The following RBPJ variants were observed in gnomAD, a reference collection of about 807,000 sequenced individuals.
The protein encoded by RBPJ is recombining binding protein suppressor of hairless.
RBPJ carries 9 observed loss-of-function variants against 67.8 expected under a neutral mutation model. That is an observed-to-expected ratio of 0.13 (90% CI 0.08 to 0.23). RBPJ has a LOEUF of 0.23. RBPJ is among the 10% of genes least tolerant of loss of function. The pLI is 1.00. For missense variants in RBPJ, 305 were observed against 595.6 expected (o/e 0.51, Z 5.08); for synonymous variants, 198 against 203.3 (o/e 0.97, Z 0.22).
chr4:26,232,407 T>A (rs1251963741), intron 1 of RBPJ, among the ~76,000 whole-genome samples: 1 of 152,074 alleles, frequency 6.6e-6, no homozygotes, highest in Non-Finnish European at 1.5e-5. Context: ...CTCCCAGCCC[T>A]TAATTACTTT....
At chr4:26,275,866 T>C (rs1432191067) in intron 1 of RBPJ, among the ~76,000 whole-genome samples, 1 of 151,812 alleles carries the variant, frequency 6.6e-6, no homozygotes, top group Non-Finnish European at 1.5e-5. Context: ...TCTTGACCTC[T>C]CTGCCCACCT....
intron 1 of RBPJ, among the ~76,000 whole-genome samples, chr4:26,279,241 C>G (rs1046919332): frequency 4.1e-4 from 63 of 152,260 alleles, no homozygotes; most frequent in African/African-American, 1.3e-3. Flanking sequence ...AGCCTAGCCA[C>G]TTATAGAAAA....
At chr4:26,172,928 C>A (rs554428107) in intron 1 of RBPJ, among the ~76,000 whole-genome samples, 1 of 152,262 alleles carries the variant, frequency 6.6e-6, no homozygotes, top group South Asian at 2.1e-4. Flanking sequence ...ATATGCCTGG[C>A]TTTGGAGGTG....
At chr4:26,128,025 G>T in the RBPJ span, among the ~76,000 whole-genome samples, 1 of 152,220 alleles carries the variant, frequency 6.6e-6, no homozygotes, top group Admixed American at 6.5e-5. Context: ...TGTGTGCTCT[G>T]CCAGGATCCC....
intron 1 of RBPJ, among the ~76,000 whole-genome samples, chr4:26,335,199 C>T (rs1465605885): frequency 1.3e-5 from 2 of 151,916 alleles, no homozygotes; most frequent in Admixed American, 6.6e-5. Flanking sequence ...TTATTGTTTT[C>T]GAGATGAAGT....
At chr4:26,361,237 C>A (rs1361407739) in intron 1 of RBPJ, among the ~76,000 whole-genome samples, 1 of 152,110 alleles carries the variant, frequency 6.6e-6, no homozygotes, top group Admixed American at 6.6e-5. Flanking sequence ...TTAGTTTCTT[C>A]CCACCTACTC....
intron 1 of RBPJ, among the ~76,000 whole-genome samples, chr4:26,231,914 C>G (rs546040626): frequency 7.3e-5 from 11 of 150,322 alleles, no homozygotes; most frequent in African/African-American, 2.7e-4. Context: ...TTTTTTTAGA[C>G]AGAGTCTCAC....
chr4:26,161,585 C>G (rs984878466), upstream of RBPJ, among the ~76,000 whole-genome samples: 1 of 152,158 alleles, frequency 6.6e-6, no homozygotes, highest in African/African-American at 2.4e-5. Flanking sequence ...CTATGGGGTC[C>G]CTTGTCCTCA....
the RBPJ span, among the ~76,000 whole-genome samples, chr4:26,156,839 G>C: frequency 4.6e-3 from 700 of 152,148 alleles, 3 homozygotes; most frequent in African/African-American, 0.016. Flanking sequence ...GGCAGCAGAG[G>C]CTGGCAGATT....
chr4:26,204,513 G>GT (rs1183036525), intron 1 of RBPJ, among the ~76,000 whole-genome samples: 3 of 152,182 alleles, frequency 2.0e-5, no homozygotes, highest in Non-Finnish European at 2.9e-5. Context: ...ATGAGCGTGG[G>GT]TGGCCCTTCT....
intron 1 of RBPJ, among the ~76,000 whole-genome samples, chr4:26,185,916 C>T (rs529283328): frequency 6.6e-6 from 1 of 152,158 alleles, no homozygotes; most frequent in African/African-American, 2.4e-5. Context: ...TGTGGTGGCA[C>T]GTGCCTGTAA....
chr4:26,230,815 T>C (rs1213612504), intron 1 of RBPJ, among the ~76,000 whole-genome samples: 1 of 152,220 alleles, frequency 6.6e-6, no homozygotes, highest in Non-Finnish European at 1.5e-5. Context: ...AATATATTTA[T>C]AGCAAAATAT....
Position 26,185,838 on chromosome 4 carries a change from T to A in RBPJ, c.-167+22224T>A, listed in dbSNP as rs550104787. Among the ~76,000 whole-genome samples the A allele has an allele frequency of 3.3e-5, 5 of 152,156 alleles. No individual in the cohort carries two copies. In the South Asian group the frequency reaches 8.3e-4, roughly 25 times the overall value. On this transcript the variant is annotated intron_variant, in intron 1 of 4. Coordinates refer to the RBPJ transcript ENST00000512351. Reference sequence around the variant, plus strand: ...ACTTTGGAAGGCCGAGGCCGGTGGATCACCTGAGGCCAGCCTGGCCAACAT... The same window carrying A: ...ACTTTGGAAGGCCGAGGCCGGTGGAACACCTGAGGCCAGCCTGGCCAACAT...
upstream of RBPJ, chr4:26,320,444 G>A (rs1722896044): frequency 2.7e-6 from 1 of 372,682 alleles, no homozygotes; most frequent in African/African-American, 2.1e-5. Flanking sequence ...CCGAACCCCA[G>A]ACATCTCTGG....
At chr4:26,420,476 G>A in intron 4 of RBPJ, 75 bp from the exon 5 acceptor site, 1 of 958,586 alleles carries the variant, frequency 1.0e-6, no homozygotes, top group Non-Finnish European at 1.5e-6. Flanking sequence ...CTTAAACCAT[G>A]GCCATTCTGA....
the RBPJ span, among the ~76,000 whole-genome samples, chr4:26,157,090 C>CAAAAAAAAAAAA: frequency 1.2e-4 from 5 of 41,724 alleles, no homozygotes; most frequent in African/African-American, 2.2e-4. Context: ...AACAAACAAA[C>CAAAAAAAAAAAA]AAACAAACAA....
intron 1 of RBPJ, among the ~76,000 whole-genome samples, chr4:26,217,947 C>T (rs889719738): frequency 1.3e-5 from 2 of 152,162 alleles, no homozygotes; most frequent in Non-Finnish European, 2.9e-5. Context: ...AGAAGCTCTG[C>T]GCTCAAAGGT....
At chr4:26,220,942 C>A (rs1343135730) in intron 1 of RBPJ, among the ~76,000 whole-genome samples, 1 of 152,230 alleles carries the variant, frequency 6.6e-6, no homozygotes, top group Non-Finnish European at 1.5e-5. Flanking sequence ...AATCCTATAG[C>A]ATCTACTGAT....
chr4:26,177,394 GGT>G (rs1421174936), intron 1 of RBPJ, among the ~76,000 whole-genome samples: 1 of 152,136 alleles, frequency 6.6e-6, no homozygotes, highest in Non-Finnish European at 1.5e-5. Context: ...TGGGCAACAT[GGT>G]GAAACCCCAT....
Sources: gnomAD v4.1 joint callset for allele counts (sites outside exome capture counted in the v4.1 genomes callset) on GRCh38, gnomAD v4.1.1 for gene constraint, MANE v1.5 for transcripts, NCBI Gene and HGNC (gene_info 2026-07-23, HGNC 2026-07-21) for gene names.